NINL: variants seen among roughly 807,000 people sequenced by gnomAD.
The protein encoded by NINL is ninein like.
In NINL, 153 loss-of-function variants were observed where a neutral mutation model predicts 160.3. The observed-to-expected ratio is 0.95, with a 90% CI of 0.84 to 1.09. The LOEUF (loss-of-function observed/expected upper bound fraction) is 1.09, where lower values mean the gene tolerates loss of function less well. NINL is among the 50% of genes least tolerant of loss of function. NINL has a pLI of 0.00. For synonymous variants in NINL, 800 were observed against 734.8 expected (o/e 1.09, Z -1.43); for missense variants, 1,829 against 1,764.0 (o/e 1.04, Z -0.66).
At chr20:25,495,613 C>G (rs1472867755) in intron 10 of NINL, among the ~76,000 whole-genome samples, 1 of 152,198 alleles carries the variant, frequency 6.6e-6, no homozygotes, top group Non-Finnish European at 1.5e-5. Flanking sequence ...CTTGCTGCCC[C>G]TGCCCAAGAG....
rs567610080 is a variant in NINL at position 25,491,425 on chromosome 20, C to T, written c.1411G>A (p.Ala471Thr). 6.4e-5 allele frequency: 104 copies of T among 1,613,664 alleles called. No individual in the cohort carries two copies. The highest frequency in any genetic ancestry group is 3.3e-4 in the Admixed American group (20 of 60,034). ...FWEQAHRQRA[A>T]LEWDVGRLQA... Reference sequence around the variant, plus strand: ...AGGCGCCCCACGTCCCACTCCAGCGCGGCCCTCTGCCTGTGGGCCTGCTCC... The same window carrying T: ...AGGCGCCCCACGTCCCACTCCAGCGTGGCCCTCTGCCTGTGGGCCTGCTCC... Residue 471 changes from alanine to threonine, a missense_variant, in exon 11 of 24, where the codon GCG becomes ACG. Physicochemically the swap from Ala to Thr is moderately conservative, Grantham distance 58. Transcript: ENST00000278886.
intron 8 of NINL, among the ~76,000 whole-genome samples, chr20:25,498,745 G>A (rs2063809567): frequency 6.6e-6 from 1 of 152,200 alleles, no homozygotes; most frequent in Non-Finnish European, 1.5e-5. Flanking sequence ...TCCCTGCGAT[G>A]AGGCCTGACC....
intron 16 of NINL, among the ~76,000 whole-genome samples, chr20:25,478,527 C>T (rs1290112836): frequency 6.6e-6 from 1 of 152,242 alleles, no homozygotes; most frequent in African/African-American, 2.4e-5. Context: ...TTTTTGGGAA[C>T]CTCACTAACC....
intron 15 of NINL, 76 bp from the exon 16 acceptor site, chr20:25,479,282 C>T (rs79738796): frequency 6.6e-6 from 10 of 1,522,900 alleles, no homozygotes; most frequent in South Asian, 2.6e-5. Context: ...CACAGAAACA[C>T]GAAGCTGCCT....
intron 1 of NINL, among the ~76,000 whole-genome samples, chr20:25,574,096 C>A (rs867567038): frequency 2.0e-5 from 3 of 152,186 alleles, no homozygotes; most frequent in Admixed American, 1.3e-4. Context: ...GAGCTGTTTG[C>A]CTAAAGTGTA....
intron 19 of NINL, among the ~76,000 whole-genome samples, chr20:25,465,822 G>C (rs2062899567): frequency 6.6e-6 from 1 of 152,110 alleles, no homozygotes; most frequent in African/African-American, 2.4e-5. Context: ...CCTACTGCCA[G>C]CAACCTTGTT....
chr20:25,539,555 C>T (rs2064626448), intron 1 of NINL, among the ~76,000 whole-genome samples: 1 of 152,212 alleles, frequency 6.6e-6, no homozygotes, highest in African/African-American at 2.4e-5. Context: ...ATACTGCCAC[C>T]AAGGACACCA....
At chr20:25,540,159 C>A in intron 1 of NINL, 1 of 648,088 alleles carries the variant, frequency 1.5e-6, no homozygotes, top group South Asian at 1.5e-5. Flanking sequence ...CAGCTGGCTA[C>A]AAAATTGAGG....
At chr20:25,553,594 T>A (rs944071372) in intron 1 of NINL, among the ~76,000 whole-genome samples, 3 of 152,264 alleles carry the variant, frequency 2.0e-5, no homozygotes, top group East Asian at 3.8e-4. Context: ...TAGGTTAGCA[T>A]GAACACGTGT....
intron 1 of NINL, among the ~76,000 whole-genome samples, chr20:25,565,165 A>C (rs971408222): frequency 4.6e-5 from 7 of 152,194 alleles, no homozygotes; most frequent in African/African-American, 1.7e-4. Flanking sequence ...GGAGAGAGAG[A>C]AAAAAATAAC....
chr20:25,540,190 C>CT (rs2064638438), intron 1 of NINL: 4 of 291,854 alleles, frequency 1.4e-5, no homozygotes, highest in Non-Finnish European at 2.4e-5. Context: ...AGATAAAAAG[C>CT]AACAGTTTCT....
At chr20:25,457,919 G>A (rs1194487491) in intron 22 of NINL, among the ~76,000 whole-genome samples, 1 of 152,170 alleles carries the variant, frequency 6.6e-6, no homozygotes, top group Non-Finnish European at 1.5e-5. Context: ...AGGTTCACTT[G>A]CCCAAGTTCA....
At chr20:25,484,512 G>A (rs545121940) in intron 13 of NINL, among the ~76,000 whole-genome samples, 1 of 152,350 alleles carries the variant, frequency 6.6e-6, no homozygotes, top group East Asian at 1.9e-4. Flanking sequence ...AGCCAACACT[G>A]CGGGGCATGC....
At chr20:25,559,433 G>C (rs889565263) in intron 1 of NINL, among the ~76,000 whole-genome samples, 1 of 152,134 alleles carries the variant, frequency 6.6e-6, no homozygotes, top group African/African-American at 2.4e-5. Flanking sequence ...TAGAGACGGG[G>C]TTTCACCATG....
At chr20:25,498,126 G>T in intron 9 of NINL, 84 bp downstream of exon 9, 1 of 1,509,580 alleles carries the variant, frequency 6.6e-7, no homozygotes, top group South Asian at 1.2e-5. Context: ...AGAGCTGACT[G>T]GTGTCCTTTG....
intron 2 of NINL, among the ~76,000 whole-genome samples, chr20:25,518,734 G>T (rs1245612743): frequency 6.6e-6 from 1 of 152,000 alleles, no homozygotes; most frequent in African/African-American, 2.4e-5. Flanking sequence ...TGACTTGCTT[G>T]TTTTTTCTCT....
chr20:25,475,943 C>G, intron 17 of NINL, 100 bp downstream of exon 17: 1 of 1,271,678 alleles, frequency 7.9e-7, no homozygotes, highest in Non-Finnish European at 1.1e-6. Context: ...AGCTTGTCGG[C>G]AGGAAGGGCC....
intron 4 of NINL, 67 bp downstream of exon 4, chr20:25,512,767 G>C: frequency 6.6e-7 from 1 of 1,512,002 alleles, no homozygotes; most frequent in South Asian, 1.3e-5. Flanking sequence ...GCTACAAAAA[G>C]GGATGAAGGG....
Position 25,529,231 on chromosome 20 carries a change from C to T in NINL, c.-11-2633G>A, listed in dbSNP as rs115595056. ...AAGGCTACAGTGAGCCATGATCACACCATTGCACTCTAGCCTGGGTGACAG... is the reference window on the plus strand; with the variant it reads ...AAGGCTACAGTGAGCCATGATCACATCATTGCACTCTAGCCTGGGTGACAG... On this transcript the variant is annotated intron_variant, in intron 1 of 23. Coordinates refer to ENST00000278886, the MANE Select transcript of NINL (RefSeq NM_025176.6). 3.1e-3 allele frequency among the ~76,000 whole-genome samples: 476 copies of T among 152,100 alleles called. 3 individuals carry two copies. Among genetic ancestry groups the T allele is most frequent in the African/African-American group, 0.011 (453 of 41,472 alleles).
Sources: allele counts gnomAD v4.1 joint callset (sites outside exome capture counted in the v4.1 genomes callset), GRCh38; gene constraint gnomAD v4.1.1; transcripts MANE v1.5; gene names NCBI Gene and HGNC (gene_info 2026-07-23, HGNC 2026-07-21).